DNAAF9: variants seen among roughly 807,000 people sequenced by gnomAD.
DNAAF9 encodes the protein dynein axonemal assembly factor 9.
In DNAAF9, 90 loss-of-function variants were observed where a neutral mutation model predicts 167.0. The ratio of observed to expected loss-of-function variants is 0.54; its 90% CI spans 0.45 to 0.64. The LOEUF (loss-of-function observed/expected upper bound fraction) is 0.64, where lower values mean the gene tolerates loss of function less well. DNAAF9 is among the 30% of genes least tolerant of loss of function. The pLI is 0.00. For synonymous variants in DNAAF9, 491 were observed against 508.8 expected, an observed-to-expected ratio of 0.96 and a Z score of 0.47; for missense variants, 1,315 against 1,442.2, an observed-to-expected ratio of 0.91 and a Z score of 1.43.
In DNAAF9 at chr20:3,358,907, CTGTT is replaced by C. The variant is rs1264084552; in HGVS notation, c.690+605_690+608del. On this transcript the variant is annotated intron_variant, in intron 7 of 36. Transcript: ENST00000252032. ...AGTACAGAGTCCTAAAGCTTTAGTT[CTGTT>C]TGTTGCCGCTCGTTGCAAATTTCCC... Among the ~76,000 whole-genome samples, 3 of 152,156 alleles carry C rather than the reference CTGTT, an allele frequency of 2.0e-5. No individual in the cohort carries two copies. The East Asian group carries it at 5.8e-4, about 29-fold the overall frequency.
rs550420977 is a variant in DNAAF9 at position 3,331,365 on chromosome 20, G to C, written c.1064-683C>G. 9.2e-5 allele frequency among the ~76,000 whole-genome samples: 14 copies of C among 152,246 alleles called. 1 individual carries two copies. Among genetic ancestry groups the C allele is most frequent in the African/African-American group, 3.4e-4 (14 of 41,524 alleles). On this transcript the variant is annotated intron_variant, in intron 11 of 36. Transcript: ENST00000252032. The stretch of plus-strand genomic sequence containing the variant: ...GACCCAAGTTATGCTTCTTTCCAGA[G>C]TTTCCTGGCTTATTTAACATCATCC...
chr20:3,383,284 T>A (rs1317949996), intron 1 of DNAAF9, among the ~76,000 whole-genome samples: 1 of 148,660 alleles, frequency 6.7e-6, no homozygotes, highest in Non-Finnish European at 1.5e-5. Context: ...TTTTTTTTTT[T>A]TTTTTTTGAG....
intron 26 of DNAAF9, among the ~76,000 whole-genome samples, chr20:3,288,379 G>A (rs974372714): frequency 1.3e-5 from 2 of 152,198 alleles, no homozygotes; most frequent in African/African-American, 4.8e-5. Context: ...GACCCCGGGA[G>A]GCAGAGGTTG....
At chr20:3,355,567 G>A (rs2083273340) in intron 7 of DNAAF9, among the ~76,000 whole-genome samples, 1 of 137,964 alleles carries the variant, frequency 7.2e-6, no homozygotes, top group Non-Finnish European at 1.6e-5. Context: ...GTGAGACTGT[G>A]TTTCAAAAAA....
At position 3,290,314 on chromosome 20, in the gene DNAAF9, T is replaced by C. The variant is rs139469978; in HGVS notation, c.2239-97A>G. The C allele has an allele frequency of 7.8e-4, 622 of 797,582 alleles. 4 individuals carry two copies. In the African/African-American group the frequency reaches 9.2e-3, roughly 12 times the overall value. The allele number at this position is 797,582 out of a possible 1,614,324, so 49.4% of individuals were successfully genotyped here. ...GACTTCTGGTGCCAAGCATTGTGGG[T>C]GTGAACCTCAGTATGACCTCTCACT... On this transcript the variant is annotated intron_variant, in intron 25 of 36. Transcript: ENST00000252032.
chr20:3,387,830 C>A (rs1463702176), intron 1 of DNAAF9, among the ~76,000 whole-genome samples: 1 of 144,560 alleles, frequency 6.9e-6, no homozygotes, highest in African/African-American at 2.6e-5. Context: ...CTCTTGAGCC[C>A]ATGAGTTTGA....
chr20:3,383,946 A>G (rs1409954268), intron 1 of DNAAF9, among the ~76,000 whole-genome samples: 1 of 151,874 alleles, frequency 6.6e-6, no homozygotes, highest in African/African-American at 2.4e-5. Flanking sequence ...TTACAGATGT[A>G]CACCACCATG....
chr20:3,315,648 G>A lies in DNAAF9; in HGVS notation c.1590+87C>T. The A allele has an allele frequency of 4.0e-6, 4 of 1,008,788 alleles. No homozygotes were observed. The highest frequency in any genetic ancestry group is 6.4e-6 in the Non-Finnish European group (4 of 629,550). 62.5% of individuals were successfully genotyped at this position (1,008,788 alleles called of 1,614,324 possible). ...ATAGTGCAAGTCTTTTAGATTAGTA[G>A]TGAGATGAAGCATTTTAATACCTTT... On this transcript the variant is annotated intron_variant, in intron 19 of 36. Transcript: ENST00000252032. This position sits in a 1 kb window ranked among gnomAD's most constrained non-coding sequence, Gnocchi z 4.1.
intron 10 of DNAAF9, among the ~76,000 whole-genome samples, chr20:3,334,165 C>A (rs1040557439): frequency 6.6e-6 from 1 of 152,134 alleles, no homozygotes; most frequent in Admixed American, 6.6e-5. Context: ...GTTTTAATTA[C>A]CCCCTTCATA....
intron 10 of DNAAF9, 73 bp downstream of exon 10, chr20:3,340,431 G>GCTCCC: frequency 3.6e-6 from 1 of 280,492 alleles, no homozygotes; most frequent in Non-Finnish European, 7.6e-6. Context: ...TTTTTGTCTA[G>GCTCCC]CTCCCCCCAC....
rs140290173 is a variant in DNAAF9 at position 3,394,308 on chromosome 20, C to T, written c.84-11802G>A. Among the ~76,000 whole-genome samples the T allele has an allele frequency of 3.3e-3, 497 of 149,504 alleles. 4 individuals carry two copies. Among genetic ancestry groups the T allele is most frequent in the African/African-American group, 0.011 (455 of 40,296 alleles). On this transcript the variant is annotated intron_variant, in intron 1 of 36. Coordinates refer to ENST00000252032, the MANE Select transcript of DNAAF9 (RefSeq NM_001009984.3). ...AGCTGAGATCATGCCATTGCACTCC[C>T]GGCCTGGAGACAAGAGTGAAACTCC...
intron 21 of DNAAF9, among the ~76,000 whole-genome samples, chr20:3,299,156 C>T (rs144601549): frequency 0.031 from 4,722 of 151,950 alleles, 107 homozygotes; most frequent in Non-Finnish European, 0.044. Context: ...ATCCGCCCGC[C>T]TTGGCCTCCC....
rs1178750984 is a variant in DNAAF9, at chr20:3,336,252, G to GTTTTTTT, written c.982-3892_982-3891insAAAAAAA. Among the ~76,000 whole-genome samples the GTTTTTTT allele has an allele frequency of 4.8e-3, 388 of 81,270 alleles. 29 individuals carry two copies. The highest frequency in any genetic ancestry group is 0.017 in the African/African-American group (329 of 19,526). 53.3% of individuals were successfully genotyped at this position (81,270 alleles called of 152,430 possible). A position where few individuals can be genotyped will look rare whatever the true frequency, so the allele number is the denominator to read the frequency against. ...TGATTTTGCAGATTCACAGTTTTGCGTTTTTGTTTTTTTTTTTTTTTTTGC... is the reference window on the plus strand; with the variant it reads ...TGATTTTGCAGATTCACAGTTTTGCGTTTTTTTTTTTTGTTTTTTTTTTTTTTTTTGC... On this transcript the variant is annotated intron_variant, in intron 10 of 36. Coordinates refer to ENST00000252032, the MANE Select transcript of DNAAF9 (RefSeq NM_001009984.3).
chr20:3,369,778 C>T (rs764447842), intron 6 of DNAAF9, among the ~76,000 whole-genome samples: 58 of 152,074 alleles, frequency 3.8e-4, no homozygotes, highest in Non-Finnish European at 7.6e-4. Context: ...CCTAACTTTA[C>T]CTTCCACCCC....
At chr20:3,400,763 T>C (rs1375521354) in intron 1 of DNAAF9, among the ~76,000 whole-genome samples, 3 of 152,192 alleles carry the variant, frequency 2.0e-5, no homozygotes, top group Non-Finnish European at 4.4e-5. Context: ...CTGTGAAACA[T>C]TGTTAAGATA....
intron 10 of DNAAF9, among the ~76,000 whole-genome samples, chr20:3,339,308 T>C (rs2070031910): frequency 6.6e-6 from 1 of 152,248 alleles, no homozygotes; most frequent in Admixed American, 6.5e-5. Flanking sequence ...GCACTGTCTC[T>C]TCAAATAGTG....
intron 10 of DNAAF9, among the ~76,000 whole-genome samples, chr20:3,340,206 T>C (rs1158523546): frequency 6.6e-6 from 1 of 152,204 alleles, no homozygotes; most frequent in Non-Finnish European, 1.5e-5. Context: ...TTTTAAAAAT[T>C]CTATTGACAA....
At position 3,251,491 on chromosome 20, in the gene DNAAF9, T is replaced by C. The variant is rs1209575098; in HGVS notation, c.*1081A>G. The stretch of plus-strand genomic sequence containing the variant: ...GGTCAGGCATGGGACACACTTGTAA[T>C]TCCCCTCTGCTTTATGGTCCAGCTT... On this transcript the variant is annotated 3_prime_UTR_variant, in exon 37 of 37. Transcript: ENST00000252032. The C allele has an allele frequency of 1.3e-5, 2 of 152,244 alleles. No individual in the cohort carries two copies. Among genetic ancestry groups the C allele is most frequent in the African/African-American group, 2.4e-5 (1 of 41,458 alleles). 9.4% of individuals were successfully genotyped at this position (152,244 alleles called of 1,614,324 possible).
chr20:3,336,521 C>T (rs1423257483), intron 10 of DNAAF9, among the ~76,000 whole-genome samples: 1 of 151,840 alleles, frequency 6.6e-6, no homozygotes, highest in Non-Finnish European at 1.5e-5. Flanking sequence ...CCACTGAGCC[C>T]ATTCACTGAG....
Sources: allele counts gnomAD v4.1 joint callset (sites outside exome capture counted in the v4.1 genomes callset), GRCh38; gene constraint gnomAD v4.1.1; non-coding constraint Gnocchi (gnomAD v3.1); transcripts MANE v1.5; gene names NCBI Gene and HGNC (gene_info 2026-07-23, HGNC 2026-07-21).